Variants in TCERG1L observed in about 807,000 individuals in gnomAD.
TCERG1L encodes the protein transcription elongation regulator 1 like.
TCERG1L carries 37 observed loss-of-function variants against 56.3 expected under a neutral mutation model. The ratio of observed to expected loss-of-function variants is 0.66; its 90% confidence interval spans 0.51 to 0.87. The LOEUF (loss-of-function observed/expected upper bound fraction) is 0.87. Among genes scored for constraint, TCERG1L ranks in the 40% least tolerant of loss-of-function variants. The probability of loss-of-function intolerance (pLI) is 0.00; values close to 1 mark genes in which losing one functional copy is unlikely to be tolerated. For synonymous variants in TCERG1L, 324 were observed against 326.3 expected, an observed-to-expected ratio of 0.99 and a Z score of 0.08; for missense variants, 799 against 774.2, an observed-to-expected ratio of 1.03 and a Z score of -0.38.
At chr10:131,203,364 G>T (rs74753328) in intron 4 of TCERG1L, among the ~76,000 whole-genome samples, 1 of 150,616 alleles carries the variant, frequency 6.6e-6, no homozygotes, top group Admixed American at 6.6e-5. Context: ...TCATGGTCTC[G>T]TCACTTAAGA....
At chr10:131,147,326 TGAAGA>T (rs1845807137) in intron 6 of TCERG1L, among the ~76,000 whole-genome samples, 1 of 150,968 alleles carries the variant, frequency 6.6e-6, no homozygotes, top group African/African-American at 2.4e-5. Context: ...GAAAAAAAAA[TGAAGA>T]GAAGAAAATT....
chr10:131,255,590 C>A (rs1589763099), intron 4 of TCERG1L, among the ~76,000 whole-genome samples: 1 of 152,184 alleles, frequency 6.6e-6, no homozygotes, highest in African/African-American at 2.4e-5. Context: ...CTGGACATAA[C>A]CTTAGGCACG....
At chr10:131,239,189 A>C (rs937844853) in intron 4 of TCERG1L, among the ~76,000 whole-genome samples, 1 of 152,238 alleles carries the variant, frequency 6.6e-6, no homozygotes, top group East Asian at 1.9e-4. Context: ...GCAGACCTGC[A>C]GTCTCCTTTC....
chr10:131,278,892 A>T (rs1400586485), intron 3 of TCERG1L, among the ~76,000 whole-genome samples: 1 of 151,950 alleles, frequency 6.6e-6, no homozygotes, highest in Non-Finnish European at 1.5e-5. Context: ...CTCCCTGATG[A>T]CTGCTGGACC....
chr10:131,281,784 T>TTGGCAGGAAGTGACTCCGCGGCA (rs1554899109), intron 3 of TCERG1L, among the ~76,000 whole-genome samples: 1 of 150,000 alleles, frequency 6.7e-6, no homozygotes, highest in African/African-American at 2.5e-5. Flanking sequence ...CCAAAAAGCC[T>TTGGCAGGAAGTGACTCCGCGGCA]GATCCGCCCC....
At chr10:131,247,006 G>A (rs1159803782) in intron 4 of TCERG1L, among the ~76,000 whole-genome samples, 6 of 151,368 alleles carry the variant, frequency 4.0e-5, no homozygotes, top group African/African-American at 7.3e-5. Context: ...TCTCACCCAC[G>A]ACACCGGCGC....
intron 4 of TCERG1L, among the ~76,000 whole-genome samples, chr10:131,229,151 A>G (rs1341960654): frequency 6.9e-6 from 1 of 145,836 alleles, no homozygotes; most frequent in East Asian, 2.1e-4. Flanking sequence ...CCAGACAGGC[A>G]TTTCCTCAAG....
intron 4 of TCERG1L, among the ~76,000 whole-genome samples, chr10:131,215,075 C>T (rs1444164485): frequency 3.3e-5 from 5 of 152,170 alleles, no homozygotes; most frequent in South Asian, 2.1e-4. Flanking sequence ...CCAGATCCCA[C>T]GCTTGTACTT....
chr10:131,193,430 C>T (rs934893696), intron 4 of TCERG1L, among the ~76,000 whole-genome samples: 4 of 152,176 alleles, frequency 2.6e-5, no homozygotes, highest in Non-Finnish European at 5.9e-5. Flanking sequence ...AGACCAATGT[C>T]CGGAAGAGTT....
intron 7 of TCERG1L, among the ~76,000 whole-genome samples, chr10:131,144,100 G>A (rs939631772): frequency 1.3e-5 from 2 of 151,980 alleles, no homozygotes; most frequent in African/African-American, 4.8e-5. Flanking sequence ...ATACACACAC[G>A]CTCCCGAGAC....
chr10:131,292,043 T>C (rs1846633690), intron 3 of TCERG1L, among the ~76,000 whole-genome samples: 1 of 152,226 alleles, frequency 6.6e-6, no homozygotes, highest in South Asian at 2.1e-4. Context: ...AAGTTGACTG[T>C]CTCCAGTTCT....
intron 3 of TCERG1L, among the ~76,000 whole-genome samples, chr10:131,273,315 G>C (rs548907688): frequency 1.7e-3 from 260 of 152,250 alleles, no homozygotes; most frequent in African/African-American, 5.8e-3. Context: ...GTGTCTTTTG[G>C]GGGCTCGGGC....
intron 4 of TCERG1L, among the ~76,000 whole-genome samples, chr10:131,197,358 A>AT (rs1349762715): frequency 1.3e-5 from 2 of 151,452 alleles, no homozygotes; most frequent in Non-Finnish European, 2.9e-5. Flanking sequence ...ATTATTTTGT[A>AT]TTTTTTCTAG....
At chr10:131,279,620 T>C (rs528242158) in intron 3 of TCERG1L, among the ~76,000 whole-genome samples, 1 of 152,292 alleles carries the variant, frequency 6.6e-6, no homozygotes, top group South Asian at 2.1e-4. Context: ...CATGCTGGCC[T>C]GCAATCCAGA....
chr10:131,198,044 GT>G (rs35590332), intron 4 of TCERG1L, among the ~76,000 whole-genome samples: 73,896 of 152,008 alleles, frequency 0.49, 19,280 homozygotes, highest in South Asian at 0.64. Flanking sequence ...CAGAATTGCT[GT>G]TTTTTACAAA....
At chr10:131,277,956 G>A (rs1169294238) in intron 3 of TCERG1L, among the ~76,000 whole-genome samples, 1 of 152,152 alleles carries the variant, frequency 6.6e-6, no homozygotes, top group East Asian at 1.9e-4. Context: ...CTGAGCTCTG[G>A]ATTTCATTCC....
chr10:131,233,219 G>C (rs936868771), intron 4 of TCERG1L, among the ~76,000 whole-genome samples: 1 of 152,224 alleles, frequency 6.6e-6, no homozygotes, highest in East Asian at 1.9e-4. Flanking sequence ...CAGGAAGAAA[G>C]GAGGGAGTGA....
rs1846748918 is a variant in TCERG1L at position 131,300,439 on chromosome 10, CG to C, written c.670+7771del. 3.9e-5 allele frequency among the ~76,000 whole-genome samples: 6 copies of C among 152,268 alleles called. 1 individual carries two copies. The highest frequency in any genetic ancestry group is 1.4e-4 in the African/African-American group (6 of 41,564). On this transcript the variant is annotated intron_variant, in intron 3 of 11. Transcript: ENST00000368642. ...CGTTCCATGTTTTCAGTTGCTTTCTCGTTTTGTTACAGGTCTATTGATCTAA... is the reference window on the plus strand; with the variant it reads ...CGTTCCATGTTTTCAGTTGCTTTCTCTTTTGTTACAGGTCTATTGATCTAA...
chr10:131,141,073 G>A (rs894643397), intron 7 of TCERG1L, among the ~76,000 whole-genome samples: 3 of 152,208 alleles, frequency 2.0e-5, no homozygotes, highest in African/African-American at 7.2e-5. Context: ...CCGAATAGGA[G>A]ATGGACCTGA....
Sources: gnomAD v4.1 joint callset for allele counts (sites outside exome capture counted in the v4.1 genomes callset) on GRCh38, gnomAD v4.1.1 for gene constraint, MANE v1.5 for transcripts, NCBI Gene and HGNC (gene_info 2026-07-23, HGNC 2026-07-21) for gene names.